Variants in THSD7B observed in about 807,000 individuals in gnomAD.
The protein encoded by THSD7B is thrombospondin type-1 domain-containing protein 7B.
In THSD7B, 138 loss-of-function variants were observed where a neutral mutation model predicts 213.6. The ratio of observed to expected loss-of-function variants is 0.65; its 90% CI spans 0.56 to 0.74. THSD7B has a LOEUF of 0.74. Among genes scored for constraint, THSD7B ranks in the 30% least tolerant of loss-of-function variants. The probability of loss-of-function intolerance (pLI) is 0.00; values close to 1 mark genes in which losing one functional copy is unlikely to be tolerated. For synonymous variants in THSD7B, 742 were observed against 687.0 expected (o/e 1.08, Z -1.25); for missense variants, 1,931 against 1,991.5 (o/e 0.97, Z 0.58).
chr2:137,563,412 A>G lies in THSD7B; in HGVS notation c.3272+58A>G. On this transcript the variant is annotated intron_variant, in intron 16 of 27. Coordinates refer to ENST00000409968, the MANE Select transcript of THSD7B (RefSeq NM_001316349.2). ...GGGAAGTGGAACTTATACATTTTTTATAAAAACAACAGTGATGTTTATCCA... is the reference window on the plus strand; with the variant it reads ...GGGAAGTGGAACTTATACATTTTTTGTAAAAACAACAGTGATGTTTATCCA... The G allele has an allele frequency of 3.1e-6, 5 of 1,592,294 alleles. 1 individual carries two copies. In the South Asian group the frequency reaches 4.5e-5, roughly 14 times the overall value.
intron 5 of THSD7B, among the ~76,000 whole-genome samples, chr2:137,137,540 C>G (rs1289593832): frequency 1.3e-5 from 2 of 152,120 alleles, no homozygotes; most frequent in Non-Finnish European, 2.9e-5. Context: ...TTAAAATTGC[C>G]TACAGTGTTC....
chr2:136,820,786 A>G (rs956885845), intron 1 of THSD7B, among the ~76,000 whole-genome samples: 53 of 152,354 alleles, frequency 3.5e-4, no homozygotes, highest in African/African-American at 1.2e-3. Flanking sequence ...CAAAATACAT[A>G]TGAAGTATTT....
intron 2 of THSD7B, among the ~76,000 whole-genome samples, chr2:136,888,282 A>G (rs528294377): frequency 6.6e-6 from 1 of 152,242 alleles, no homozygotes; most frequent in Non-Finnish European, 1.5e-5. Context: ...AACTAAGTAT[A>G]TAAATTGGAA....
intron 13 of THSD7B, among the ~76,000 whole-genome samples, chr2:137,409,020 G>C (rs545218642): frequency 6.6e-6 from 1 of 152,250 alleles, no homozygotes; most frequent in African/African-American, 2.4e-5. Context: ...ACATGCTAGC[G>C]GCAGAGTGGT....
intron 15 of THSD7B, among the ~76,000 whole-genome samples, chr2:137,559,087 A>C (rs1410459820): frequency 6.6e-6 from 1 of 152,234 alleles, no homozygotes; most frequent in Non-Finnish European, 1.5e-5. Context: ...ATGGAAGAAC[A>C]TTCCAAGCTC....
chr2:137,623,412 C>T (rs1256480893), intron 20 of THSD7B, among the ~76,000 whole-genome samples: 1 of 152,140 alleles, frequency 6.6e-6, no homozygotes, highest in African/African-American at 2.4e-5. Context: ...CCTTTGAAAA[C>T]TGGCACAAGA....
intron 2 of THSD7B, among the ~76,000 whole-genome samples, chr2:137,036,801 A>G (rs1182796551): frequency 6.6e-6 from 1 of 152,162 alleles, no homozygotes; most frequent in Non-Finnish European, 1.5e-5. Context: ...ACTCATTTCT[A>G]CTGGAGTTCT....
intron 7 of THSD7B, among the ~76,000 whole-genome samples, chr2:137,210,809 TAAAGTTA>T (rs75242047): frequency 0.086 from 731 of 8,492 alleles, 9 homozygotes; most frequent in African/African-American, 0.17. Context: ...ATGTTCTAGT[TAAAGTTA>T]AAAAAAAGTT....
At chr2:136,913,117 T>C (rs180713195) in intron 2 of THSD7B, among the ~76,000 whole-genome samples, 4 of 152,164 alleles carry the variant, frequency 2.6e-5, no homozygotes, top group African/African-American at 9.7e-5. Context: ...TGGTCTCAGA[T>C]GGAAATGAGG....
At chr2:137,541,204 C>G (rs1680603546) in intron 15 of THSD7B, among the ~76,000 whole-genome samples, 1 of 151,452 alleles carries the variant, frequency 6.6e-6, no homozygotes, top group Non-Finnish European at 1.5e-5. Flanking sequence ...TAACAAATAG[C>G]AACAACAACA....
intron 16 of THSD7B, among the ~76,000 whole-genome samples, chr2:137,567,718 A>G (rs1247317757): frequency 1.3e-5 from 2 of 152,200 alleles, no homozygotes; most frequent in African/African-American, 4.8e-5. Context: ...CGTTAGGAAT[A>G]ATGGCATAAT....
intron 2 of THSD7B, among the ~76,000 whole-genome samples, chr2:136,887,329 T>TGA (rs537413054): frequency 1.3e-5 from 2 of 151,040 alleles, no homozygotes; most frequent in East Asian, 3.9e-4. Context: ...TGTGTGTGTG[T>TGA]GACAGGCTTT....
intron 12 of THSD7B, among the ~76,000 whole-genome samples, chr2:137,318,765 C>A (rs1319237835): frequency 6.8e-6 from 1 of 147,328 alleles, no homozygotes; most frequent in Admixed American, 6.8e-5. Flanking sequence ...GCTTTTCCAA[C>A]TCTAAAATAG....
chr2:137,289,842 G>A (rs539215293), intron 12 of THSD7B, among the ~76,000 whole-genome samples: 2 of 152,156 alleles, frequency 1.3e-5, no homozygotes, highest in South Asian at 4.2e-4. Flanking sequence ...GTGTTCGAGA[G>A]GGAGGAAATA....
intron 12 of THSD7B, among the ~76,000 whole-genome samples, chr2:137,303,492 C>T (rs2104849197): frequency 6.6e-6 from 1 of 150,926 alleles, no homozygotes; most frequent in East Asian, 2.0e-4. Flanking sequence ...TTTTAATAAA[C>T]AGAATTAATG....
intron 10 of THSD7B, among the ~76,000 whole-genome samples, chr2:137,245,759 GAGAT>G (rs1682017298): frequency 6.6e-6 from 1 of 152,192 alleles, no homozygotes; most frequent in Non-Finnish European, 1.5e-5. Context: ...GTTGTGTAAA[GAGAT>G]AGAGGAGTGC....
intron 7 of THSD7B, among the ~76,000 whole-genome samples, chr2:137,175,949 A>G (rs1680350115): frequency 6.6e-6 from 1 of 152,234 alleles, no homozygotes. Flanking sequence ...AATTCTAAAG[A>G]GAACTCCTTT....
rs1392502747 is a variant in THSD7B at position 137,285,576 on chromosome 2, G to A, written c.2500+9550G>A. ...TTTCCATGTTTAGTGCTTCCTTCAG[G>A]AGCTCTTTTTTTTTTTTTTTTAGAA... On this transcript the variant is annotated intron_variant, in intron 12 of 27. Coordinates refer to ENST00000409968, the MANE Select transcript of THSD7B (RefSeq NM_001316349.2). Among the ~76,000 whole-genome samples, 9 of 148,244 alleles carry A rather than the reference G, an allele frequency of 6.1e-5. 1 individual carries two copies. The highest frequency in any genetic ancestry group is 2.2e-4 in the African/African-American group (9 of 40,670).
intron 6 of THSD7B, among the ~76,000 whole-genome samples, chr2:137,162,922 A>G (rs2104986763): frequency 6.6e-6 from 1 of 152,060 alleles, no homozygotes; most frequent in East Asian, 1.9e-4. Flanking sequence ...ACCATGTCTG[A>G]TTAATTTTTG....
Sources: gnomAD v4.1 joint callset for allele counts (sites outside exome capture counted in the v4.1 genomes callset) on GRCh38, gnomAD v4.1.1 for gene constraint, MANE v1.5 for transcripts, NCBI Gene and HGNC (gene_info 2026-07-23, HGNC 2026-07-21) for gene names.